The following CNTNAP2 variants were observed in gnomAD, a reference collection of about 807,000 sequenced individuals.
CNTNAP2 encodes contactin associated protein 2.
CNTNAP2 carries 98 observed loss-of-function variants against 155.2 expected under a neutral mutation model. That is an observed-to-expected ratio of 0.63 (90% CI 0.54 to 0.75). The LOEUF is 0.75. CNTNAP2 is among the 30% of genes least tolerant of loss of function. The probability of loss-of-function intolerance (pLI) is 0.00; values close to 1 mark genes in which losing one functional copy is unlikely to be tolerated. For synonymous variants in CNTNAP2, 651 were observed against 631.2 expected (o/e 1.03, Z -0.47); for missense variants, 1,727 against 1,688.1 (o/e 1.02, Z -0.40).
chr7:147,213,083 T>C (rs561635566), intron 8 of CNTNAP2, among the ~76,000 whole-genome samples: 2 of 152,116 alleles, frequency 1.3e-5, no homozygotes, highest in Non-Finnish European at 2.9e-5. Flanking sequence ...AATTTGTTCA[T>C]GCAATAATGG....
chr7:147,176,713 G>GAATTATATATTATATATAATAT (rs1802347963), intron 8 of CNTNAP2, among the ~76,000 whole-genome samples: 2 of 119,172 alleles, frequency 1.7e-5, no homozygotes, highest in African/African-American at 6.3e-5. Context: ...ATATATAATA[G>GAATTATATATTATATATAATAT]AATTATATAT....
At chr7:147,063,953 G>T (rs931567408) in intron 4 of CNTNAP2, among the ~76,000 whole-genome samples, 4 of 152,106 alleles carry the variant, frequency 2.6e-5, no homozygotes, top group Non-Finnish European at 5.9e-5. Flanking sequence ...AGTTAGCTAA[G>T]AATTACAGCA....
chr7:147,208,470 T>C (rs774983648), intron 8 of CNTNAP2, among the ~76,000 whole-genome samples: 1 of 152,074 alleles, frequency 6.6e-6, no homozygotes, highest in African/African-American at 2.4e-5. Flanking sequence ...AGAAAATCTC[T>C]ATGGAAAAGT....
chr7:148,065,750 CTT>C (rs1234241096), intron 15 of CNTNAP2, among the ~76,000 whole-genome samples: 2 of 152,152 alleles, frequency 1.3e-5, no homozygotes, highest in Non-Finnish European at 2.9e-5. Flanking sequence ...AATTCTGTGT[CTT>C]TTAAGTGGAG....
intron 14 of CNTNAP2, among the ~76,000 whole-genome samples, chr7:147,966,592 C>T (rs1031587847): frequency 1.4e-4 from 22 of 152,200 alleles, no homozygotes; most frequent in African/African-American, 3.9e-4. Context: ...CCTCTCTGTC[C>T]GTGTCACCCA....
chr7:147,602,578 T>C (rs1379497837), intron 12 of CNTNAP2, among the ~76,000 whole-genome samples: 2 of 151,560 alleles, frequency 1.3e-5, no homozygotes, highest in African/African-American at 4.9e-5. Context: ...CATGCTGGTG[T>C]GCTGCACCCA....
At chr7:147,561,673 C>CA (rs1800066684) in intron 11 of CNTNAP2, among the ~76,000 whole-genome samples, 1 of 151,900 alleles carries the variant, frequency 6.6e-6, no homozygotes, top group South Asian at 2.1e-4. Flanking sequence ...ACAAACTATG[C>CA]AAAAAATAAG....
At chr7:146,835,570 A>C (rs549260390) in intron 2 of CNTNAP2, among the ~76,000 whole-genome samples, 1 of 152,306 alleles carries the variant, frequency 6.6e-6, no homozygotes, top group African/African-American at 2.4e-5. Flanking sequence ...TATGACAATA[A>C]GGAATATTAT....
chr7:146,938,226 T>A (rs1796965727), intron 3 of CNTNAP2, among the ~76,000 whole-genome samples: 1 of 152,034 alleles, frequency 6.6e-6, no homozygotes, highest in South Asian at 2.1e-4. Context: ...ACACATACTA[T>A]GTGACTCATC....
chr7:146,911,668 A>T (rs1165076747), intron 3 of CNTNAP2, among the ~76,000 whole-genome samples: 1 of 55,376 alleles, frequency 1.8e-5, no homozygotes, highest in Non-Finnish European at 3.2e-5. Flanking sequence ...GGGTGGGGGG[A>T]GGGGGGAGGG....
chr7:147,229,002 C>T (rs1803615447), intron 8 of CNTNAP2, among the ~76,000 whole-genome samples: 1 of 151,924 alleles, frequency 6.6e-6, no homozygotes, highest in Non-Finnish European at 1.5e-5. Context: ...TTTTGTATGG[C>T]TGCATAGTAT....
intron 12 of CNTNAP2, among the ~76,000 whole-genome samples, chr7:147,613,688 A>G (rs901048091): frequency 3.3e-5 from 5 of 151,976 alleles, no homozygotes; most frequent in African/African-American, 9.7e-5. Context: ...CTAAAAATAC[A>G]AAAAATTAGC....
At chr7:146,810,700 C>A (rs1328455556) in intron 2 of CNTNAP2, among the ~76,000 whole-genome samples, 1 of 151,678 alleles carries the variant, frequency 6.6e-6, no homozygotes. Context: ...GAGTGTGCAC[C>A]TTTGTCTTGT....
chr7:147,305,366 A>G (rs558638173), intron 9 of CNTNAP2, among the ~76,000 whole-genome samples: 19 of 152,278 alleles, frequency 1.2e-4, no homozygotes, highest in Admixed American at 1.2e-3. Context: ...GGAAAATACC[A>G]ACACTCCTTC....
chr7:147,461,930 T>G (rs186378971), intron 10 of CNTNAP2, among the ~76,000 whole-genome samples: 2 of 152,208 alleles, frequency 1.3e-5, no homozygotes, highest in African/African-American at 4.8e-5. Flanking sequence ...TTTCCAATAT[T>G]TAATGTTATC....
intron 1 of CNTNAP2, among the ~76,000 whole-genome samples, chr7:146,485,216 AAC>A (rs1797037421): frequency 6.6e-6 from 1 of 152,160 alleles, no homozygotes; most frequent in African/African-American, 2.4e-5. Context: ...AAAAAAATAA[AAC>A]AGAGAGTGGA....
intron 8 of CNTNAP2, among the ~76,000 whole-genome samples, chr7:147,271,463 G>A (rs1258413038): frequency 3.9e-5 from 6 of 152,094 alleles, no homozygotes; most frequent in Admixed American, 3.9e-4. Context: ...CAGCCAAACT[G>A]CACTACACAT....
At position 146,753,898 on chromosome 7, in the gene CNTNAP2, G is replaced by C. The variant is rs1342712736; in HGVS notation, c.98-20373G>C. ...TTGAATATTTGAAATCTTACTATATGAAGATTCAACCTATACGAAAATAGA... is the reference window on the plus strand; with the variant it reads ...TTGAATATTTGAAATCTTACTATATCAAGATTCAACCTATACGAAAATAGA... On this transcript the variant is annotated intron_variant, in intron 1 of 23. Coordinates refer to ENST00000361727, the MANE Select transcript of CNTNAP2 (RefSeq NM_014141.6). 2.0e-5 allele frequency among the ~76,000 whole-genome samples: 3 copies of C among 151,960 alleles called. No individual in the cohort carries two copies. In the East Asian group the frequency reaches 5.8e-4, roughly 29 times the overall value.
chr7:148,146,803 C>T (rs1805190174), intron 16 of CNTNAP2, among the ~76,000 whole-genome samples: 1 of 152,082 alleles, frequency 6.6e-6, no homozygotes, highest in African/African-American at 2.4e-5. Context: ...AATAGGTCAC[C>T]GTCATTACAC....
Sources: gnomAD v4.1 joint callset for allele counts (sites outside exome capture counted in the v4.1 genomes callset) on GRCh38, gnomAD v4.1.1 for gene constraint, MANE v1.5 for transcripts, NCBI Gene and HGNC (gene_info 2026-07-23, HGNC 2026-07-21) for gene names.